Variants in SCN2A observed in about 807,000 individuals in gnomAD.
SCN2A encodes the protein sodium voltage-gated channel alpha subunit 2, also known as sodium channel protein type 2 subunit alpha.
A neutral mutation model predicts 188.7 loss-of-function variants in SCN2A; 20 were observed. That is an observed-to-expected ratio of 0.11 (90% CI 0.07 to 0.15). The LOEUF (loss-of-function observed/expected upper bound fraction) is 0.15. SCN2A is among the 10% of genes least tolerant of loss of function. SCN2A has a pLI of 1.00. For missense variants in SCN2A, 1,278 were observed against 2,445.0 expected (o/e 0.52, Z 10.07); for synonymous variants, 804 against 833.1 (o/e 0.97, Z 0.60).
intron 25 of SCN2A, among the ~76,000 whole-genome samples, chr2:165,381,617 G>A (rs1701606765): frequency 6.6e-6 from 1 of 151,930 alleles, no homozygotes; most frequent in South Asian, 2.1e-4. Context: ...CAACTCTGCA[G>A]ATTGAATGGA....
intron 1 of SCN2A, among the ~76,000 whole-genome samples, chr2:165,256,022 G>A (rs1420527795): frequency 4.6e-5 from 2 of 43,836 alleles, no homozygotes; most frequent in African/African-American, 1.3e-4. Context: ...TTTTTTTTTG[G>A]TGATGGAGTC....
chr2:165,347,329 A>G (rs1287561527), intron 16 of SCN2A, among the ~76,000 whole-genome samples: 1 of 152,110 alleles, frequency 6.6e-6, no homozygotes, highest in Non-Finnish European at 1.5e-5. Flanking sequence ...ATTCTCGGCA[A>G]ACTAACACAG....
chr2:165,382,600 G>A (rs1701660070), intron 25 of SCN2A, among the ~76,000 whole-genome samples: 1 of 151,970 alleles, frequency 6.6e-6, no homozygotes, highest in South Asian at 2.1e-4. Flanking sequence ...TGTAAGAATA[G>A]CATATTTTCA....
chr2:165,250,636 C>T lies in SCN2A; in HGVS notation c.-52+10996C>T, dbSNP rs1574436313. Reference sequence around the variant, plus strand: ...AACAGATTAACCAACAATAGTCACACGAACATGTACACACACATATACACA... The same window carrying T: ...AACAGATTAACCAACAATAGTCACATGAACATGTACACACACATATACACA... On this transcript the variant is annotated intron_variant, in intron 1 of 26. Coordinates refer to ENST00000375437, the MANE Select transcript of SCN2A (RefSeq NM_001040142.2). 1.3e-5 allele frequency among the ~76,000 whole-genome samples: 2 copies of T among 151,952 alleles called. 1 individual carries two copies. Among genetic ancestry groups the T allele is most frequent in the Middle Eastern group, 6.8e-3 (2 of 292 alleles).
intron 1 of SCN2A, among the ~76,000 whole-genome samples, chr2:165,261,991 T>A (rs1044083070): frequency 6.6e-6 from 1 of 152,142 alleles, no homozygotes. Context: ...TACAAACTAG[T>A]GTTTTATCCA....
chr2:165,257,524 TTTG>T lies in SCN2A; in HGVS notation c.-52+17896_-52+17898del, dbSNP rs1009944239. Reference sequence around the variant, plus strand: ...GTTTCTGTGTTTTGTTGTTGTTGTTTTTGTTGTTGTTGTTCTTGTTGTTGTTGT... The same window carrying T: ...GTTTCTGTGTTTTGTTGTTGTTGTTTTTGTTGTTGTTCTTGTTGTTGTTGT... On this transcript the variant is annotated intron_variant, in intron 1 of 26. Coordinates refer to ENST00000375437, the MANE Select transcript of SCN2A (RefSeq NM_001040142.2). Among the ~76,000 whole-genome samples the T allele has an allele frequency of 3.3e-5, 5 of 151,924 alleles. No homozygotes were observed. The East Asian group carries it at 5.8e-4, about 18-fold the overall frequency.
At chr2:165,252,546 G>T (rs1559316566) in intron 1 of SCN2A, among the ~76,000 whole-genome samples, 2 of 151,930 alleles carry the variant, frequency 1.3e-5, no homozygotes, top group South Asian at 4.1e-4. Context: ...AGAGCATCAT[G>T]CCATTAAACA....
At chr2:165,325,762 T>C (rs1260074608) in intron 12 of SCN2A, among the ~76,000 whole-genome samples, 1 of 152,184 alleles carries the variant, frequency 6.6e-6, no homozygotes, top group Non-Finnish European at 1.5e-5. Context: ...TACTTGTTTT[T>C]TTACCTTAAA....
chr2:165,253,648 C>T (rs991206218), intron 1 of SCN2A, among the ~76,000 whole-genome samples: 1 of 152,058 alleles, frequency 6.6e-6, no homozygotes, highest in African/African-American at 2.4e-5. Context: ...AAATTATTTA[C>T]TAAATCATCC....
At chr2:165,241,324 T>C (rs942443126) in intron 1 of SCN2A, among the ~76,000 whole-genome samples, 3 of 152,226 alleles carry the variant, frequency 2.0e-5, no homozygotes, top group African/African-American at 7.2e-5. Flanking sequence ...GTATGCCTTT[T>C]TCATTATTAG....
chr2:165,320,478 G>A, intron 11 of SCN2A: 1 of 152,272 alleles, frequency 6.6e-6, no homozygotes. Context: ...TTGGGGCTCT[G>A]ACCCCACATT....
intron 19 of SCN2A, among the ~76,000 whole-genome samples, chr2:165,368,637 A>G (rs1469616216): frequency 6.6e-6 from 1 of 152,234 alleles, no homozygotes; most frequent in Admixed American, 6.5e-5. Context: ...TGATGGCATT[A>G]CAAACTTATG....
At chr2:165,245,756 G>A (rs1036305730) in intron 1 of SCN2A, among the ~76,000 whole-genome samples, 2 of 152,152 alleles carry the variant, frequency 1.3e-5, no homozygotes, top group African/African-American at 2.4e-5. Context: ...ATGGTTCCAG[G>A]TAAACTGGGA....
At chr2:165,350,344 C>T (rs1699816166) in intron 16 of SCN2A, among the ~76,000 whole-genome samples, 1 of 151,838 alleles carries the variant, frequency 6.6e-6, no homozygotes, top group Admixed American at 6.6e-5. Context: ...GTAACATTTC[C>T]ATTCCAAGAG....
chr2:165,383,703 T>G (rs1185501861), intron 25 of SCN2A, among the ~76,000 whole-genome samples: 2 of 152,144 alleles, frequency 1.3e-5, no homozygotes, highest in African/African-American at 4.8e-5. Context: ...TTGTGAGCTA[T>G]CACCAGAGTG....
At chr2:165,260,906 G>A (rs960086053) in intron 1 of SCN2A, among the ~76,000 whole-genome samples, 2 of 145,044 alleles carry the variant, frequency 1.4e-5, no homozygotes, top group African/African-American at 5.2e-5. Context: ...GGAGGTGGAG[G>A]TTGCAGTGAG....
At chr2:165,252,344 A>T (rs1336606654) in intron 1 of SCN2A, among the ~76,000 whole-genome samples, 1 of 152,088 alleles carries the variant, frequency 6.6e-6, no homozygotes, top group African/African-American at 2.4e-5. Context: ...ATATCATACA[A>T]GTTAACTGAA....
At chr2:165,346,456 C>A (rs1699592223) in intron 16 of SCN2A, among the ~76,000 whole-genome samples, 1 of 152,090 alleles carries the variant, frequency 6.6e-6, no homozygotes, top group Non-Finnish European at 1.5e-5. Context: ...AAATTTAACT[C>A]AACATGGATT....
intron 17 of SCN2A, among the ~76,000 whole-genome samples, chr2:165,355,334 A>G (rs1700125851): frequency 6.6e-6 from 1 of 152,200 alleles, no homozygotes; most frequent in Admixed American, 6.5e-5. Flanking sequence ...AAAATTCTGA[A>G]TTTACCAACT....
Sources: allele counts gnomAD v4.1 joint callset (sites outside exome capture counted in the v4.1 genomes callset), GRCh38; gene constraint gnomAD v4.1.1; transcripts MANE v1.5; gene names NCBI Gene and HGNC (gene_info 2026-07-23, HGNC 2026-07-21).